GJA1: variants seen among roughly 807,000 people sequenced by gnomAD.
GJA1 encodes gap junction alpha-1 protein.
In GJA1, 9 loss-of-function variants were observed where a neutral mutation model predicts 31.0. That is an observed-to-expected ratio of 0.29 (90% CI 0.17 to 0.51). The LOEUF (loss-of-function observed/expected upper bound fraction) is 0.51. Among genes scored for constraint, GJA1 ranks in the 20% least tolerant of loss-of-function variants. The pLI is 0.98. For missense variants in GJA1, 278 were observed against 468.8 expected, an observed-to-expected ratio of 0.59 and a Z score of 3.76; for synonymous variants, 186 against 180.1, an observed-to-expected ratio of 1.03 and a Z score of -0.26.
chr6:121,442,187 T>C (rs1001373038), intron 1 of GJA1, among the ~76,000 whole-genome samples: 3 of 152,204 alleles, frequency 2.0e-5, no homozygotes, highest in Admixed American at 2.0e-4. Context: ...TATTTACCTT[T>C]ATTTAAGTCT....
chr6:121,442,589 A>G (rs1773812652), intron 1 of GJA1, among the ~76,000 whole-genome samples: 1 of 152,148 alleles, frequency 6.6e-6, no homozygotes, highest in South Asian at 2.1e-4. Flanking sequence ...TATTTTGAAC[A>G]AGAAAGGGCC....
chr6:121,442,838 T>G (rs1324541442), intron 1 of GJA1, among the ~76,000 whole-genome samples: 2 of 152,166 alleles, frequency 1.3e-5, no homozygotes, highest in African/African-American at 4.8e-5. Context: ...AATGGAAATG[T>G]AATCTAACAT....
intron 1 of GJA1, among the ~76,000 whole-genome samples, chr6:121,443,041 TGTTTCC>T (rs1455946344): frequency 2.0e-5 from 3 of 152,208 alleles, no homozygotes; most frequent in Non-Finnish European, 4.4e-5. Context: ...GAAATATACC[TGTTTCC>T]CCCTGGTGAA....
At chr6:121,442,945 T>C (rs1247612350) in intron 1 of GJA1, among the ~76,000 whole-genome samples, 3 of 152,194 alleles carry the variant, frequency 2.0e-5, no homozygotes, top group Non-Finnish European at 4.4e-5. Context: ...GGTCTACATA[T>C]AAAGCACCAA....
chr6:121,440,912 T>TTGTTG (rs1773765801), intron 1 of GJA1, among the ~76,000 whole-genome samples: 5 of 142,178 alleles, frequency 3.5e-5, no homozygotes, highest in African/African-American at 1.4e-4. Context: ...TGGCTACTTT[T>TTGTTG]TTGTTGTTGT....
At chr6:121,443,343 C>T (rs958220681) in intron 1 of GJA1, among the ~76,000 whole-genome samples, 1 of 152,004 alleles carries the variant, frequency 6.6e-6, no homozygotes, top group African/African-American at 2.4e-5. Context: ...TGGAGATCGA[C>T]AGGTAGCTAC....
chr6:121,436,340 C>G (rs1773663610), intron 1 of GJA1, among the ~76,000 whole-genome samples: 7 of 152,154 alleles, frequency 4.6e-5, no homozygotes. Flanking sequence ...TGTTCTATAG[C>G]TTTGCAAAGC....
chr6:121,448,654 T>TG lies in GJA1; in HGVS notation c.*659dup, dbSNP rs1773932160. On this transcript the variant is annotated 3_prime_UTR_variant, in exon 2 of 2. Transcript: ENST00000282561. ...TACGTATATTCTTTTTCCATCCACT[T>TG]GCACAATATCATTACCATCACTTTT... is the stretch of plus-strand genomic sequence containing the variant. 5.9e-6 allele frequency: 1 copy of TG among 168,086 alleles called. No individual in the cohort carries two copies. The highest frequency in any genetic ancestry group is 2.0e-4 in the South Asian group (1 of 4,886). The allele number at this position is 168,086 out of a possible 1,614,324, so 10.4% of individuals were successfully genotyped here.
intron 1 of GJA1, among the ~76,000 whole-genome samples, chr6:121,440,912 TTTG>T (rs59447853): frequency 0.1 from 14,825 of 142,112 alleles, 2,520 homozygotes; most frequent in African/African-American, 0.39. Context: ...TGGCTACTTT[TTTG>T]TTGTTGTTGT....
chr6:121,448,069 G>C lies in GJA1; in HGVS notation c.*73G>C. ...AAAGGTGCTGTAGAAAGTGCACCAG[G>C]TGTTAATTTTGATCCGGTGGAGGTG... On this transcript the variant is annotated 3_prime_UTR_variant, in exon 2 of 2. Transcript: ENST00000282561. The C allele has an allele frequency of 1.5e-6, 2 of 1,362,066 alleles. No individual in the cohort carries two copies. Among genetic ancestry groups the C allele is most frequent in the Admixed American group, 3.4e-5 (2 of 59,294 alleles). The allele number at this position is 1,362,066 out of a possible 1,614,324, so 84.4% of individuals were successfully genotyped here.
chr6:121,443,946 G>T (rs1773841124), intron 1 of GJA1, among the ~76,000 whole-genome samples: 1 of 152,096 alleles, frequency 6.6e-6, no homozygotes, highest in Non-Finnish European at 1.5e-5. Flanking sequence ...ACAGAATTAG[G>T]GCCAATTTTA....
At chr6:121,437,354 C>CT (rs113246353) in intron 1 of GJA1, among the ~76,000 whole-genome samples, 5,981 of 133,846 alleles carry the variant, frequency 0.045, 200 homozygotes, top group African/African-American at 0.088. Context: ...CACACCAGCC[C>CT]TTTTTTTTTT....
Position 121,437,175 on chromosome 6 carries a change from G to T in GJA1, c.-17+1343G>T, listed in dbSNP as rs1773680626. ...GCCCGAACCAGCTCGGTCTTGGGAC[G>T]TTTCCCCCAAATCCTCACAAGTCAA... On this transcript the variant is annotated intron_variant, in intron 1 of 1. Coordinates refer to ENST00000282561, the MANE Select transcript of GJA1 (RefSeq NM_000165.5). Among the ~76,000 whole-genome samples the T allele has an allele frequency of 1.3e-5, 2 of 152,150 alleles. 1 individual carries two copies. The highest frequency in any genetic ancestry group is 4.1e-4 in the South Asian group (2 of 4,832).
At chr6:121,443,579 A>C (rs1305672793) in intron 1 of GJA1, among the ~76,000 whole-genome samples, 2 of 152,208 alleles carry the variant, frequency 1.3e-5, no homozygotes, top group Non-Finnish European at 2.9e-5. Flanking sequence ...AATTATATGA[A>C]AGTCATGTAT....
chr6:121,438,483 G>A (rs1326340263), intron 1 of GJA1, among the ~76,000 whole-genome samples: 3 of 152,072 alleles, frequency 2.0e-5, no homozygotes, highest in Non-Finnish European at 4.4e-5. Flanking sequence ...GGGAAAACAC[G>A]GGGTGCATTC....
intron 1 of GJA1, among the ~76,000 whole-genome samples, chr6:121,441,227 C>CAGT (rs1389990273): frequency 6.6e-6 from 1 of 152,140 alleles, no homozygotes; most frequent in Non-Finnish European, 1.5e-5. Flanking sequence ...GCTGGGACTA[C>CAGT]AGGCTTAAGC....
At chr6:121,442,542 T>G (rs950079588) in intron 1 of GJA1, among the ~76,000 whole-genome samples, 20 of 152,302 alleles carry the variant, frequency 1.3e-4, no homozygotes, top group Admixed American at 1.1e-3. Context: ...TTTTAGACTG[T>G]TCCTTCTGCT....
At chr6:121,436,136 G>GT (rs10692429) in intron 1 of GJA1, among the ~76,000 whole-genome samples, 3,069 of 102,846 alleles carry the variant, frequency 0.03, 93 homozygotes, top group African/African-American at 0.09. Flanking sequence ...ATTTTATTTT[G>GT]TTTTTTTTTT....
intron 1 of GJA1, 94 bp from the exon 2 acceptor site, chr6:121,446,738 T>A (rs183846978): frequency 2.3e-6 from 2 of 853,078 alleles, no homozygotes; most frequent in East Asian, 2.4e-5. Context: ...CGTGAAACCG[T>A]TGGTAGTATT....
Sources: gnomAD v4.1 joint callset for allele counts (sites outside exome capture counted in the v4.1 genomes callset) on GRCh38, gnomAD v4.1.1 for gene constraint, MANE v1.5 for transcripts, NCBI Gene and HGNC (gene_info 2026-07-23, HGNC 2026-07-21) for gene names.